Variants in EYA4 observed in about 807,000 individuals in gnomAD.
EYA4 encodes the protein protein phosphatase EYA4.
A neutral mutation model predicts 87.9 loss-of-function variants in EYA4; 31 were observed. That is an observed-to-expected ratio of 0.35 (90% CI 0.27 to 0.48). The LOEUF is 0.48. Ranked by LOEUF, EYA4 falls within the 20% of genes least tolerant of loss-of-function variation. EYA4 has a pLI of 0.99. For synonymous variants in EYA4, 263 were observed against 270.6 expected (o/e 0.97, Z 0.28); for missense variants, 678 against 761.4 (o/e 0.89, Z 1.29).
chr6:133,439,017 T>G (rs377582955), intron 3 of EYA4, among the ~76,000 whole-genome samples: 173 of 114,490 alleles, frequency 1.5e-3, no homozygotes, highest in African/African-American at 5.6e-3. Context: ...ACTACTGTAC[T>G]CCAGCCTGGG....
intron 2 of EYA4, among the ~76,000 whole-genome samples, chr6:133,355,715 C>T (rs1783966634): frequency 6.6e-6 from 1 of 152,130 alleles, no homozygotes; most frequent in Admixed American, 6.5e-5. Flanking sequence ...AAAGATTAAG[C>T]TTCTTGTGTT....
chr6:133,377,040 A>G (rs995814632), intron 2 of EYA4, among the ~76,000 whole-genome samples: 1 of 151,870 alleles, frequency 6.6e-6, no homozygotes, highest in African/African-American at 2.4e-5. Context: ...CACTGCTGGC[A>G]TTGTATTGTT....
At position 133,365,604 on chromosome 6, in the gene EYA4, A is replaced by G. The variant is rs531040289; in HGVS notation, c.34-16788A>G. Among the ~76,000 whole-genome samples the G allele has an allele frequency of 2.9e-3, 444 of 152,234 alleles. 3 individuals are homozygous for G. Among genetic ancestry groups the G allele is most frequent in the African/African-American group, 0.01 (435 of 41,544 alleles). Reference sequence around the variant, plus strand: ...GTTTGGTCAGGATGCAGAAGGAGGAAGGGAAAGCCTGGGCCATATCCTTTA... The same window carrying G: ...GTTTGGTCAGGATGCAGAAGGAGGAGGGGAAAGCCTGGGCCATATCCTTTA... On this transcript the variant is annotated intron_variant, in intron 2 of 19. Transcript: ENST00000355286.
intron 17 of EYA4, among the ~76,000 whole-genome samples, chr6:133,516,363 T>TC (rs995986045): frequency 6.6e-6 from 1 of 151,848 alleles, no homozygotes; most frequent in African/African-American, 2.4e-5. Flanking sequence ...TGCACATGTA[T>TC]CCCTGCACCT....
intron 2 of EYA4, among the ~76,000 whole-genome samples, chr6:133,359,768 T>C (rs1391583972): frequency 1.3e-5 from 2 of 152,224 alleles, no homozygotes; most frequent in South Asian, 2.1e-4. Flanking sequence ...GCCACTCTTA[T>C]CCCATTCTCT....
chr6:133,343,558 C>T (rs1467163395), intron 2 of EYA4, among the ~76,000 whole-genome samples: 3 of 144,006 alleles, frequency 2.1e-5, no homozygotes, highest in East Asian at 2.1e-4. Flanking sequence ...CACCAGCACC[C>T]CCGCCACCAC....
At chr6:133,474,139 T>C in intron 11 of EYA4, among the ~76,000 whole-genome samples, 1 of 151,982 alleles carries the variant, frequency 6.6e-6, no homozygotes, top group East Asian at 1.9e-4. Context: ...TATCAAGATA[T>C]CAGAGACTGA....
intron 3 of EYA4, among the ~76,000 whole-genome samples, chr6:133,424,525 A>G (rs1035610506): frequency 1.4e-4 from 22 of 152,018 alleles, no homozygotes; most frequent in African/African-American, 4.6e-4. Flanking sequence ...CCCCCAGCCT[A>G]TAAGGATGGG....
At chr6:133,448,551 A>G (rs1480090265) in intron 5 of EYA4, among the ~76,000 whole-genome samples, 1 of 152,202 alleles carries the variant, frequency 6.6e-6, no homozygotes, top group East Asian at 1.9e-4. Flanking sequence ...AATCACCTTC[A>G]TAACCCACAG....
chr6:133,253,133 C>T (rs943812272), intron 1 of EYA4, among the ~76,000 whole-genome samples: 1 of 152,018 alleles, frequency 6.6e-6, no homozygotes, highest in African/African-American at 2.4e-5. Flanking sequence ...CTGCATAGCT[C>T]CTTGTTAGCA....
At chr6:133,289,423 A>G (rs1448576527) in intron 2 of EYA4, among the ~76,000 whole-genome samples, 1 of 152,206 alleles carries the variant, frequency 6.6e-6, no homozygotes, top group Non-Finnish European at 1.5e-5. Context: ...CTAGAACTCA[A>G]TACTTGGATT....
At chr6:133,407,026 G>C (rs211620) in intron 3 of EYA4, among the ~76,000 whole-genome samples, 131,797 of 152,144 alleles carry the variant, frequency 0.87, 58,009 homozygotes, top group Non-Finnish European at 0.95. Context: ...ATTTTACATA[G>C]AGCTGGTATG....
chr6:133,515,365 G>A lies in EYA4; in HGVS notation c.1546G>A (p.Ala516Thr), dbSNP rs750657561. 2 of 1,613,882 alleles carry A rather than the reference G, an allele frequency of 1.2e-6. No individual in the cohort carries two copies. The highest frequency in any genetic ancestry group is 1.7e-6 in the Non-Finnish European group (2 of 1,179,752). Residue 516 changes from alanine (A) to threonine (T), a missense_variant, in exon 17 of 20, where the codon GCA (alanine) becomes ACA (threonine). Transcript: ENST00000355286. ...GAGGGATGCCTGGCTACAGTTAAGGGCAGAGATTGAAGGTCTGACAGATTC... is the reference window on the plus strand; with the variant it reads ...GAGGGATGCCTGGCTACAGTTAAGGACAGAGATTGAAGGTCTGACAGATTC... ...AKRDAWLQLR[A>T]EIEGLTDSWL...
chr6:133,340,574 G>A (rs1771170983), intron 2 of EYA4, among the ~76,000 whole-genome samples: 1 of 152,204 alleles, frequency 6.6e-6, no homozygotes, highest in Non-Finnish European at 1.5e-5. Flanking sequence ...AAGTGTATGT[G>A]TATCTGGGAA....
At chr6:133,318,613 G>A (rs1780803292) in intron 2 of EYA4, among the ~76,000 whole-genome samples, 1 of 139,782 alleles carries the variant, frequency 7.2e-6, no homozygotes, top group South Asian at 2.3e-4. Flanking sequence ...GTAATTTTAA[G>A]CCATTCTTTT....
intron 17 of EYA4, among the ~76,000 whole-genome samples, chr6:133,516,556 C>CAA (rs771877894): frequency 2.6e-4 from 32 of 124,038 alleles, no homozygotes; most frequent in African/African-American, 8.2e-4. Flanking sequence ...ACTAAAAATA[C>CAA]AAAAAAAAAA....
At chr6:133,388,406 C>A (rs1177787723) in intron 3 of EYA4, among the ~76,000 whole-genome samples, 197 of 129,166 alleles carry the variant, frequency 1.5e-3, no homozygotes, top group African/African-American at 1.4e-3. Flanking sequence ...GACTCGGTCT[C>A]AAAAAAAAAA....
intron 3 of EYA4, among the ~76,000 whole-genome samples, chr6:133,436,659 C>T (rs1791711320): frequency 6.6e-6 from 1 of 152,128 alleles, no homozygotes; most frequent in African/African-American, 2.4e-5. Context: ...GCAAGTCTTG[C>T]CCTTAAAATC....
At chr6:133,299,931 C>CTATATATATA (rs1483133674) in intron 2 of EYA4, among the ~76,000 whole-genome samples, 41 of 80,486 alleles carry the variant, frequency 5.1e-4, no homozygotes, top group African/African-American at 1.9e-3. Flanking sequence ...AGATCTCTAT[C>CTATATATATA]TATCTATCTA....
Sources: allele counts gnomAD v4.1 joint callset (sites outside exome capture counted in the v4.1 genomes callset), GRCh38; gene constraint gnomAD v4.1.1; transcripts MANE v1.5; gene names NCBI Gene and HGNC (gene_info 2026-07-23, HGNC 2026-07-21).